Variants in FAM135B observed in about 807,000 individuals in gnomAD.
FAM135B encodes the protein family with sequence similarity 135 member B.
A neutral mutation model predicts 127.7 loss-of-function variants in FAM135B; 43 were observed. The observed-to-expected ratio is 0.34, with a 90% CI of 0.26 to 0.43. The LOEUF is 0.43. FAM135B is among the 20% of genes least tolerant of loss of function. The probability of loss-of-function intolerance (pLI) is 1.00; values close to 1 mark genes in which losing one functional copy is unlikely to be tolerated. For missense variants in FAM135B, 1,558 were observed against 1,725.6 expected (o/e 0.90, Z 1.72); for synonymous variants, 670 against 665.1 (o/e 1.01, Z -0.11).
intron 6 of FAM135B, among the ~76,000 whole-genome samples, chr8:138,248,083 C>T (rs942403033): frequency 9.2e-5 from 14 of 152,222 alleles, no homozygotes; most frequent in South Asian, 8.3e-4. Context: ...AAATAAAAAT[C>T]GACTGAATGA....
chr8:138,257,903 AAAACAAAAC>A lies in FAM135B; in HGVS notation c.298-1153_298-1145del, dbSNP rs1338312305. 8.0e-5 allele frequency among the ~76,000 whole-genome samples: 7 copies of A among 87,962 alleles called. 1 individual carries two copies. Among genetic ancestry groups the A allele is most frequent in the Non-Finnish European group, 1.2e-4 (4 of 32,252 alleles). The allele number at this position is 87,962 out of a possible 152,430, so 57.7% of individuals were successfully genotyped here. Reference sequence around the variant, plus strand: ...TAAAAAATAAAAAAAAAAATAAAACAAAACAAAACAAAACAAAACCCTGGACTTGGGAGT... The same window carrying A: ...TAAAAAATAAAAAAAAAAATAAAACAAAAACAAAACCCTGGACTTGGGAGT... On this transcript the variant is annotated intron_variant, in intron 4 of 19. Transcript: ENST00000395297.
At chr8:138,229,837 C>A (rs1403333901) in intron 7 of FAM135B, among the ~76,000 whole-genome samples, 1 of 152,072 alleles carries the variant, frequency 6.6e-6, no homozygotes, top group Admixed American at 6.6e-5. Flanking sequence ...ACGGGGAAGA[C>A]CCTTATAAAA....
At chr8:138,426,002 TATATATATATAC>T (rs1834839030) in intron 1 of FAM135B, among the ~76,000 whole-genome samples, 4 of 14,804 alleles carry the variant, frequency 2.7e-4, no homozygotes, top group African/African-American at 1.5e-3. Context: ...TATATATATA[TATATATATATAC>T]ACACACATAC....
intron 3 of FAM135B, among the ~76,000 whole-genome samples, chr8:138,289,816 G>A (rs1371362482): frequency 6.6e-6 from 1 of 152,096 alleles, no homozygotes; most frequent in African/African-American, 2.4e-5. Context: ...CAAGCAAAAG[G>A]GACTTTTGTT....
intron 12 of FAM135B, among the ~76,000 whole-genome samples, chr8:138,166,041 G>T (rs1819884563): frequency 1.3e-5 from 2 of 152,146 alleles, no homozygotes; most frequent in Admixed American, 6.5e-5. Context: ...TTTAAAACTT[G>T]CACAGACAGC....
chr8:138,357,722 G>A (rs1830179854), intron 2 of FAM135B, among the ~76,000 whole-genome samples: 1 of 151,738 alleles, frequency 6.6e-6, no homozygotes, highest in Admixed American at 6.6e-5. Flanking sequence ...ACCTCCTCTG[G>A]CCCAAGATCT....
At chr8:138,390,291 G>C (rs970131884) in intron 1 of FAM135B, among the ~76,000 whole-genome samples, 4 of 152,110 alleles carry the variant, frequency 2.6e-5, no homozygotes, top group African/African-American at 9.7e-5. Flanking sequence ...TGAATCATAG[G>C]GGCGGTTTCC....
chr8:138,367,616 G>A (rs1418379861), intron 2 of FAM135B, among the ~76,000 whole-genome samples: 3 of 151,962 alleles, frequency 2.0e-5, no homozygotes, highest in African/African-American at 7.3e-5. Context: ...TTCACTTCCC[G>A]TTAAAATTGA....
At chr8:138,285,212 T>C (rs1012852167) in intron 3 of FAM135B, among the ~76,000 whole-genome samples, 1 of 140,176 alleles carries the variant, frequency 7.1e-6, no homozygotes, top group Non-Finnish European at 1.5e-5. Flanking sequence ...AGTGGTGCAA[T>C]CTCGACTCAC....
intron 2 of FAM135B, among the ~76,000 whole-genome samples, chr8:138,329,587 C>T (rs1240554395): frequency 1.3e-5 from 2 of 152,088 alleles, no homozygotes; most frequent in African/African-American, 4.8e-5. Flanking sequence ...TGTGTTTTAA[C>T]CAAAAGATCA....
intron 2 of FAM135B, among the ~76,000 whole-genome samples, chr8:138,314,534 T>C (rs1826925668): frequency 6.6e-6 from 1 of 151,894 alleles, no homozygotes; most frequent in Non-Finnish European, 1.5e-5. Context: ...GATGCTCAAA[T>C]GTTCATACAC....
chr8:138,267,048 G>A (rs937551684), intron 3 of FAM135B, among the ~76,000 whole-genome samples: 1 of 152,152 alleles, frequency 6.6e-6, no homozygotes, highest in Non-Finnish European at 1.5e-5. Flanking sequence ...GCCTAAATAT[G>A]CACTTGTTAT....
intron 12 of FAM135B, among the ~76,000 whole-genome samples, chr8:138,167,092 G>T (rs1358402579): frequency 1.3e-5 from 2 of 151,990 alleles, no homozygotes; most frequent in Non-Finnish European, 1.5e-5. Context: ...ACCATGGGGG[G>T]AAATCAAAAT....
intron 1 of FAM135B, among the ~76,000 whole-genome samples, chr8:138,430,062 G>A (rs1835110229): frequency 1.3e-5 from 2 of 152,256 alleles, no homozygotes; most frequent in Middle Eastern, 3.4e-3. Flanking sequence ...GCACTTTCTA[G>A]AGAAGGGCTA....
At chr8:138,283,029 T>C (rs532557680) in intron 3 of FAM135B, among the ~76,000 whole-genome samples, 1 of 152,070 alleles carries the variant, frequency 6.6e-6, no homozygotes, top group Non-Finnish European at 1.5e-5. Context: ...GTCTCCTGAG[T>C]AGCTGGGATT....
chr8:138,396,170 G>A (rs2131345682), intron 1 of FAM135B, among the ~76,000 whole-genome samples: 1 of 152,308 alleles, frequency 6.6e-6, no homozygotes, highest in East Asian at 1.9e-4. Context: ...TGGCTCTGTG[G>A]CCTTGGGGTA....
chr8:138,418,626 G>C (rs1262291276), intron 1 of FAM135B, among the ~76,000 whole-genome samples: 1 of 152,022 alleles, frequency 6.6e-6, no homozygotes, highest in Non-Finnish European at 1.5e-5. Context: ...AGACAGAAGA[G>C]ATTGAAAGCA....
intron 1 of FAM135B, among the ~76,000 whole-genome samples, chr8:138,405,250 A>G (rs901991909): frequency 2.0e-5 from 3 of 148,596 alleles, no homozygotes; most frequent in African/African-American, 5.0e-5. Flanking sequence ...TTTAAGTTTT[A>G]GGGTACAAGT....
chr8:138,420,668 G>A (rs937437091), intron 1 of FAM135B, among the ~76,000 whole-genome samples: 3 of 151,424 alleles, frequency 2.0e-5, no homozygotes, highest in Non-Finnish European at 4.4e-5. Context: ...TTTTTTCCTA[G>A]GATGACAAGT....
Sources: allele counts gnomAD v4.1 joint callset (sites outside exome capture counted in the v4.1 genomes callset), GRCh38; gene constraint gnomAD v4.1.1; transcripts MANE v1.5; gene names NCBI Gene and HGNC (gene_info 2026-07-23, HGNC 2026-07-21).